MUSK: variants seen among roughly 807,000 people sequenced by gnomAD.
The protein encoded by MUSK is muscle associated receptor tyrosine kinase, also known as muscle, skeletal receptor tyrosine-protein kinase.
A neutral mutation model predicts 88.7 loss-of-function variants in MUSK; 55 were observed. That is an observed-to-expected ratio of 0.62 (90% CI 0.50 to 0.78). The LOEUF (loss-of-function observed/expected upper bound fraction) is 0.78. Among genes scored for constraint, MUSK ranks in the 30% least tolerant of loss-of-function variants. The probability of loss-of-function intolerance (pLI) is 0.00; values close to 1 mark genes in which losing one functional copy is unlikely to be tolerated. For missense variants in MUSK, 1,015 were observed against 1,074.3 expected (o/e 0.94, Z 0.77); for synonymous variants, 387 against 391.9 (o/e 0.99, Z 0.15).
intron 8 of MUSK, among the ~76,000 whole-genome samples, chr9:110,764,614 G>GATAGATAA (rs1234545967): frequency 1.3e-5 from 1 of 74,954 alleles, no homozygotes. Context: ...TAGATAGATA[G>GATAGATAA]ATAGATAGAT....
chr9:110,745,999 G>A (rs990850132), intron 6 of MUSK, among the ~76,000 whole-genome samples: 7 of 152,170 alleles, frequency 4.6e-5, no homozygotes, highest in African/African-American at 1.7e-4. Context: ...TAGTCAAACT[G>A]TGAAAATCCT....
At chr9:110,686,400 C>A (rs2076196768) in intron 2 of MUSK, among the ~76,000 whole-genome samples, 1 of 152,076 alleles carries the variant, frequency 6.6e-6, no homozygotes, top group Non-Finnish European at 1.5e-5. Context: ...AAAACAAGAA[C>A]CTCTGTGGGA....
chr9:110,760,672 G>T (rs2077385458), intron 7 of MUSK, among the ~76,000 whole-genome samples: 1 of 151,942 alleles, frequency 6.6e-6, no homozygotes, highest in Non-Finnish European at 1.5e-5. Flanking sequence ...AAACTCGCAA[G>T]TCACAAGTTT....
intron 11 of MUSK, among the ~76,000 whole-genome samples, chr9:110,781,256 T>TTTTTGTTTTGTTTTGTTTTG (rs148739068): frequency 4.1e-5 from 6 of 146,182 alleles, no homozygotes; most frequent in African/African-American, 1.5e-4. Context: ...TGTGTGTGTT[T>TTTTTGTTTTGTTTTGTTTTG]TTTTGTTTTG....
intron 6 of MUSK, among the ~76,000 whole-genome samples, chr9:110,746,820 T>C (rs1224685206): frequency 6.6e-6 from 1 of 152,200 alleles, no homozygotes; most frequent in Non-Finnish European, 1.5e-5. Context: ...GTATGTATTA[T>C]GTATGTCATG....
At chr9:110,733,925 A>C (rs781473514) in intron 5 of MUSK, among the ~76,000 whole-genome samples, 2 of 152,084 alleles carry the variant, frequency 1.3e-5, no homozygotes, top group Non-Finnish European at 2.9e-5. Context: ...CCTTTCTGAG[A>C]AAATGTCACT....
chr9:110,786,637 A>G (rs986534063), intron 13 of MUSK, among the ~76,000 whole-genome samples: 1 of 152,136 alleles, frequency 6.6e-6, no homozygotes, highest in Non-Finnish European at 1.5e-5. Flanking sequence ...TAATGTATAG[A>G]TATTAAGTAG....
At position 110,697,484 on chromosome 9, in the gene MUSK, T is replaced by C; in HGVS notation, c.628+18T>C. The C allele has an allele frequency of 6.2e-7, 1 of 1,603,892 alleles. No individual in the cohort carries two copies. The highest frequency in any genetic ancestry group is 8.5e-7 in the Non-Finnish European group (1 of 1,174,316). ...AGTTGAGGGTAAGGAGCTGCATTTCTTCCCCTGACTGTGTGACCAGGGGCC... is the reference window on the plus strand; with the variant it reads ...AGTTGAGGGTAAGGAGCTGCATTTCCTCCCCTGACTGTGTGACCAGGGGCC... On this transcript the variant is annotated intron_variant, in intron 5 of 14. Coordinates refer to ENST00000374448, the MANE Select transcript of MUSK (RefSeq NM_005592.4).
chr9:110,697,330 T>C lies in MUSK; in HGVS notation c.492T>C (p.Asn164=). The C allele has an allele frequency of 1.2e-6, 2 of 1,612,522 alleles. No individual in the cohort carries two copies. The highest frequency in any genetic ancestry group is 1.7e-6 in the Non-Finnish European group (2 of 1,179,078). ...CACGTCCCTATCTCTGGCAGGAAAA[T>C]TCCCGAATTGCAGTTCTTGAATCTG... is the stretch of plus-strand genomic sequence containing the variant. ...WIKGDSPLRE[N]SRIAVLESGS... is the part of the protein sequence containing the mutation. The change falls in exon 5 of 15, where the codon AAT becomes AAC. Residue 164 remains asparagine, a synonymous_variant. Coordinates refer to ENST00000374448, the MANE Select transcript of MUSK (RefSeq NM_005592.4).
At chr9:110,695,362 C>T (rs773751596) in intron 3 of MUSK, 41 bp from the exon 4 acceptor site, 11 of 1,332,348 alleles carry the variant, frequency 8.3e-6, no homozygotes, top group East Asian at 2.7e-5. Context: ...TTTAATAAAG[C>T]CATATTGCCT....
At chr9:110,767,358 A>G (rs2077500569) in intron 8 of MUSK, among the ~76,000 whole-genome samples, 1 of 152,234 alleles carries the variant, frequency 6.6e-6, no homozygotes, top group Non-Finnish European at 1.5e-5. Context: ...TCAAAAATTA[A>G]GGTAAACTAT....
chr9:110,803,568 T>C lies in MUSK; in HGVS notation c.*2580T>C, dbSNP rs2078123566. On this transcript the variant is annotated 3_prime_UTR_variant, in exon 15 of 15. Transcript: ENST00000374448. ...CTGTGGAAGTGATTTGTAATTTGCA[T>C]GTCGTTTCAAGCACACTCTATATCT... Among the ~76,000 whole-genome samples, 2 of 152,218 alleles carry C rather than the reference T, an allele frequency of 1.3e-5. No homozygotes were observed. The highest frequency in any genetic ancestry group is 1.3e-4 in the Admixed American group (2 of 15,288).
chr9:110,771,903 A>G (rs1337225576), intron 9 of MUSK, among the ~76,000 whole-genome samples: 4 of 152,148 alleles, frequency 2.6e-5, no homozygotes, highest in Non-Finnish European at 2.9e-5. Flanking sequence ...AGTCTCATCA[A>G]TCATAAATCA....
intron 8 of MUSK, among the ~76,000 whole-genome samples, chr9:110,764,152 A>G (rs965226124): frequency 2.0e-5 from 3 of 152,208 alleles, no homozygotes; most frequent in Admixed American, 6.5e-5. Context: ...TGATTCCGAA[A>G]TAACCAGCAT....
At chr9:110,799,093 A>T (rs1055797122) in intron 14 of MUSK, among the ~76,000 whole-genome samples, 1 of 152,188 alleles carries the variant, frequency 6.6e-6, no homozygotes, top group African/African-American at 2.4e-5. Context: ...ACTTCTAAGT[A>T]TTATCCAGTT....
Position 110,805,277 on chromosome 9 carries a change from ATTATT to A in MUSK, c.*4295_*4299del, listed in dbSNP as rs912005194. On this transcript the variant is annotated 3_prime_UTR_variant, in exon 15 of 15. Transcript: ENST00000374448. ...ATATATTAAAAAATTACCTTCCTGA[ATTATT>A]TTATTAACATGTACCTCTCCTAGTC... 4.1e-4 allele frequency among the ~76,000 whole-genome samples: 62 copies of A among 152,022 alleles called. No homozygotes were observed. The highest frequency in any genetic ancestry group is 1.4e-3 in the African/African-American group (60 of 41,564).
At chr9:110,758,082 G>A (rs550331883) in intron 7 of MUSK, among the ~76,000 whole-genome samples, 110 of 152,202 alleles carry the variant, frequency 7.2e-4, no homozygotes, top group Middle Eastern at 3.4e-3. Context: ...TCCTGCCACA[G>A]CCTTCCAAAT....
chr9:110,798,787 T>G (rs1357940353), intron 14 of MUSK, among the ~76,000 whole-genome samples: 1 of 152,188 alleles, frequency 6.6e-6, no homozygotes, highest in Admixed American at 6.5e-5. Context: ...AGGTCTTAAA[T>G]AAATGTATAT....
intron 3 of MUSK, among the ~76,000 whole-genome samples, chr9:110,688,525 CAT>C: frequency 6.6e-6 from 1 of 152,078 alleles, no homozygotes; most frequent in Non-Finnish European, 1.5e-5. Flanking sequence ...CATAGGTAAA[CAT>C]GTGCCATGGT....
Sources: allele counts gnomAD v4.1 joint callset (sites outside exome capture counted in the v4.1 genomes callset), GRCh38; gene constraint gnomAD v4.1.1; transcripts MANE v1.5; gene names NCBI Gene and HGNC (gene_info 2026-07-23, HGNC 2026-07-21).